PCDHGA4: variants seen among roughly 807,000 people sequenced by gnomAD.
The protein encoded by PCDHGA4 is protocadherin gamma-A4.
A neutral mutation model predicts 54.6 loss-of-function variants in PCDHGA4; 38 were observed. The observed-to-expected ratio is 0.70, with a 90% CI of 0.54 to 0.91. The LOEUF is 0.91. Among genes scored for constraint, PCDHGA4 ranks in the 40% least tolerant of loss-of-function variants. PCDHGA4 has a pLI of 0.00. For synonymous variants in PCDHGA4, 511 were observed against 512.9 expected, an observed-to-expected ratio of 1.00 and a Z score of 0.05; for missense variants, 1,298 against 1,220.9, an observed-to-expected ratio of 1.06 and a Z score of -0.94.
rs574950493 is a variant in PCDHGA4 at position 141,375,596 on chromosome 5, G to A, written c.2514+17975G>A. 12 of 1,613,990 alleles carry A rather than the reference G, an allele frequency of 7.4e-6. No individual in the cohort carries two copies. The Admixed American group carries it at 1.2e-4, about 16-fold the overall frequency. On this transcript the variant is annotated intron_variant, in intron 1 of 3. Coordinates refer to ENST00000571252, the MANE Select transcript of PCDHGA4 (RefSeq NM_018917.4). ...CCAGGGGGCGCCCCTGTCCTCCTAC[G>A]TGTCCATCAACTCCGACACTGGGAT...
At chr5:141,423,102 C>A (rs778561065) in intron 1 of PCDHGA4, 2 of 1,613,802 alleles carry the variant, frequency 1.2e-6, no homozygotes, top group Non-Finnish European at 1.7e-6. Flanking sequence ...AGCACACGGG[C>A]GAGGTGCGTA....
chr5:141,465,429 A>G (rs1191638112), intron 1 of PCDHGA4, among the ~76,000 whole-genome samples: 2 of 152,316 alleles, frequency 1.3e-5, no homozygotes, highest in East Asian at 3.9e-4. Context: ...AAAGGTGGGC[A>G]CTTAATGATT....
chr5:141,410,560 A>G (rs769354927), intron 1 of PCDHGA4: 3 of 1,612,824 alleles, frequency 1.9e-6, no homozygotes, highest in African/African-American at 1.3e-5. Flanking sequence ...TTTCTCCTGG[A>G]GCCTTAATTC....
intron 1 of PCDHGA4, chr5:141,388,970 A>G (rs1561622326): frequency 6.2e-7 from 1 of 1,613,928 alleles, no homozygotes; most frequent in East Asian, 2.2e-5. Flanking sequence ...AGCTGGGAAC[A>G]CATATTGCTT....
chr5:141,465,611 C>T (rs1393170181), intron 1 of PCDHGA4, among the ~76,000 whole-genome samples: 1 of 152,178 alleles, frequency 6.6e-6, no homozygotes, highest in African/African-American at 2.4e-5. Context: ...CTCTTTGGCC[C>T]TCCAGGAAGT....
At chr5:141,385,172 C>T (rs1013319688) in intron 1 of PCDHGA4, 1 of 1,614,092 alleles carries the variant, frequency 6.2e-7, no homozygotes, top group African/African-American at 1.3e-5. Flanking sequence ...CATGAGGTCT[C>T]CCTCACCGCG....
At chr5:141,362,916 A>G (rs17097238) in intron 1 of PCDHGA4, among the ~76,000 whole-genome samples, 21,522 of 152,218 alleles carry the variant, frequency 0.14, 2,117 homozygotes, top group African/African-American at 0.29. Context: ...ATAATACTTC[A>G]GAGTAAAGAG....
At chr5:141,388,674 G>A in intron 1 of PCDHGA4, 2 of 1,613,940 alleles carry the variant, frequency 1.2e-6, no homozygotes, top group Non-Finnish European at 8.5e-7. Context: ...GGTGCTACAG[G>A]TGACTGCCAC....
chr5:141,391,910 CAT>C (rs2092442264), intron 1 of PCDHGA4: 2 of 152,134 alleles, frequency 1.3e-5, no homozygotes, highest in African/African-American at 4.8e-5. Context: ...TGCTTTTTAT[CAT>C]ATATTCATCT....
intron 1 of PCDHGA4, chr5:141,405,107 T>A: frequency 6.2e-7 from 1 of 1,613,998 alleles, no homozygotes; most frequent in African/African-American, 1.3e-5. Flanking sequence ...GCTGAGGCAC[T>A]GGCACTCCTC....
chr5:141,505,182 C>T (rs1302018549), intron 2 of PCDHGA4, among the ~76,000 whole-genome samples: 2 of 152,094 alleles, frequency 1.3e-5, no homozygotes, highest in East Asian at 3.9e-4. Context: ...AAAAAAGCAT[C>T]GGAGGCAGCA....
At chr5:141,496,285 A>G (rs1003747820) in intron 2 of PCDHGA4, among the ~76,000 whole-genome samples, 1 of 152,210 alleles carries the variant, frequency 6.6e-6, no homozygotes, top group Non-Finnish European at 1.5e-5. Flanking sequence ...AGTTGGTCTG[A>G]GCAGAGTGGG....
chr5:141,355,486 T>C lies in PCDHGA4; in HGVS notation c.379T>C (p.Cys127Arg). 1 of 1,614,064 alleles carries C rather than the reference T, an allele frequency of 6.2e-7. No individual in the cohort carries two copies. Among genetic ancestry groups the C allele is most frequent in the Non-Finnish European group, 8.5e-7 (1 of 1,179,886 alleles). The stretch of plus-strand genomic sequence containing the variant: ...GGGTAGGATAGACAGGGAGGAGCTC[T>C]GCGACAGATCTCCAAACTGTGTGAC... Reference protein sequence around the residue: ...TAGRIDREELCDRSPNCVTNL... With the variant: ...TAGRIDREELRDRSPNCVTNL... The change falls in exon 1 of 4, where the codon TGC becomes CGC. Residue 127 changes from cysteine to arginine, a missense_variant. Physicochemically the swap from Cys to Arg is radical, Grantham distance 180. Coordinates refer to ENST00000571252, the MANE Select transcript of PCDHGA4 (RefSeq NM_018917.4).
At chr5:141,374,626 C>A (rs748933501) in intron 1 of PCDHGA4, 10 of 1,613,108 alleles carry the variant, frequency 6.2e-6, no homozygotes, top group Non-Finnish European at 7.6e-6. Context: ...TCTCAGTGGA[C>A]GTGCAAAGCG....
At position 141,355,398 on chromosome 5, in the gene PCDHGA4, C is replaced by G; in HGVS notation, c.291C>G (p.Ile97Met). 3.7e-6 allele frequency: 6 copies of G among 1,614,074 alleles called. No individual in the cohort carries two copies. The highest frequency in any genetic ancestry group is 1.7e-5 in the Admixed American group (1 of 60,034). ...PRELAERGVRIVSRGRTQLFA... is the reference protein window; with the variant it reads ...PRELAERGVRMVSRGRTQLFA... Reference sequence around the variant, plus strand: ...AGCTGGCGGAGCGCGGAGTCCGCATCGTCTCCAGAGGTAGGACGCAGCTTT... The same window carrying G: ...AGCTGGCGGAGCGCGGAGTCCGCATGGTCTCCAGAGGTAGGACGCAGCTTT... Residue 97 changes from isoleucine (I) to methionine (M), a missense_variant, in exon 1 of 4, where the codon ATC becomes ATG. Physicochemically the swap from Ile to Met is conservative, Grantham distance 10. Coordinates refer to ENST00000571252, the MANE Select transcript of PCDHGA4 (RefSeq NM_018917.4).
At chr5:141,498,581 C>A (rs1281809549) in intron 2 of PCDHGA4, among the ~76,000 whole-genome samples, 1 of 152,104 alleles carries the variant, frequency 6.6e-6, no homozygotes, top group East Asian at 1.9e-4. Flanking sequence ...GTATTGAGTT[C>A]TTCAGTAAAC....
chr5:141,403,688 A>T (rs1385402830), intron 1 of PCDHGA4: 1 of 1,613,836 alleles, frequency 6.2e-7, no homozygotes, highest in Non-Finnish European at 8.5e-7. Flanking sequence ...TGCTCAACGG[A>T]TTTACCGAGT....
intron 1 of PCDHGA4, chr5:141,421,975 G>T: frequency 6.2e-7 from 1 of 1,610,052 alleles, no homozygotes; most frequent in African/African-American, 1.3e-5. Context: ...CGTATATCGC[G>T]TGAGTGTTCC....
At chr5:141,365,408 T>G in intron 1 of PCDHGA4, 1 of 1,614,004 alleles carries the variant, frequency 6.2e-7, no homozygotes. Flanking sequence ...CTCTGAAGAC[T>G]GTCTTCCCGG....
Sources: gnomAD v4.1 joint callset for allele counts (sites outside exome capture counted in the v4.1 genomes callset) on GRCh38, gnomAD v4.1.1 for gene constraint, MANE v1.5 for transcripts, NCBI Gene and HGNC (gene_info 2026-07-23, HGNC 2026-07-21) for gene names.